COLEC12: variants seen among roughly 807,000 people sequenced by gnomAD.
The protein encoded by COLEC12 is collectin-12.
COLEC12 carries 33 observed loss-of-function variants against 71.1 expected under a neutral mutation model. The ratio of observed to expected loss-of-function variants is 0.46; its 90% CI spans 0.35 to 0.62. The LOEUF is 0.62. Among genes scored for constraint, COLEC12 ranks in the 20% least tolerant of loss-of-function variants. The pLI is 0.00. For missense variants in COLEC12, 765 were observed against 916.1 expected, an observed-to-expected ratio of 0.84 and a Z score of 2.13; for synonymous variants, 350 against 353.0, an observed-to-expected ratio of 0.99 and a Z score of 0.10.
chr18:338,922 T>C (rs144334107), intron 5 of COLEC12, among the ~76,000 whole-genome samples: 1 of 152,330 alleles, frequency 6.6e-6, no homozygotes, highest in African/African-American at 2.4e-5. Flanking sequence ...ATCCAAATAA[T>C]GAAGATGGCA....
At chr18:380,285 AAT>A (rs1331480547) in intron 2 of COLEC12, among the ~76,000 whole-genome samples, 1 of 152,072 alleles carries the variant, frequency 6.6e-6, no homozygotes, top group East Asian at 1.9e-4. Context: ...TCCCTTGTGT[AAT>A]ATGCTTTTCC....
intron 2 of COLEC12, among the ~76,000 whole-genome samples, chr18:470,859 T>C (rs151281272): frequency 6.6e-6 from 1 of 152,256 alleles, no homozygotes; most frequent in Non-Finnish European, 1.5e-5. Context: ...GGTTGAAGGT[T>C]TGAGATCTTA....
chr18:441,059 T>A (rs998663846), intron 2 of COLEC12, among the ~76,000 whole-genome samples: 2 of 147,846 alleles, frequency 1.4e-5, no homozygotes, highest in South Asian at 2.2e-4. Context: ...CCATCCTGGC[T>A]AACACAGTGA....
Position 317,463 on chromosome 18 carries a change from G to A in COLEC12, c.*2582C>T, listed in dbSNP as rs1010916836. On this transcript the variant is annotated 3_prime_UTR_variant, in exon 10 of 10. Transcript: ENST00000400256. ...ATCACCTCCCCAAGCCCCAGTCCCT[G>A]TGAAATGGGGAGTGTAGTAAGACCT... is the stretch of plus-strand genomic sequence containing the variant. 3.9e-5 allele frequency: 6 copies of A among 152,270 alleles called. No individual in the cohort carries two copies. The highest frequency in any genetic ancestry group is 1.2e-4 in the African/African-American group (5 of 41,446). The allele number at this position is 152,270 out of a possible 1,614,324, so 9.4% of individuals were successfully genotyped here. A position where few individuals can be genotyped will look rare whatever the true frequency, so the allele number is the denominator to read the frequency against.
At chr18:345,289 A>C (rs979741221) in intron 5 of COLEC12, among the ~76,000 whole-genome samples, 1 of 152,226 alleles carries the variant, frequency 6.6e-6, no homozygotes, top group Non-Finnish European at 1.5e-5. Context: ...ACAATTCTTC[A>C]ACTGTGGACT....
At chr18:368,594 G>T (rs1914908037) in intron 2 of COLEC12, among the ~76,000 whole-genome samples, 1 of 152,024 alleles carries the variant, frequency 6.6e-6, no homozygotes, top group Non-Finnish European at 1.5e-5. Flanking sequence ...GCCGGGCGCG[G>T]TGGCTCAGGC....
rs1289351190 is a variant in COLEC12 at position 500,398 on chromosome 18, G to C, written c.7+110C>G. On this transcript the variant is annotated intron_variant, in intron 1 of 9. Transcript: ENST00000400256. This position sits in a 1 kb window ranked among gnomAD's most constrained non-coding sequence, Gnocchi z 5.3. ...GGCGCCCTGGCAGCCCCGACTCCCC[G>C]GGCCCGCAGCCCAAGGGAAGGTTCG... The C allele has an allele frequency of 2.6e-6, 2 of 768,490 alleles. No homozygotes were observed. The highest frequency in any genetic ancestry group is 3.5e-6 in the Non-Finnish European group (2 of 572,378). 47.6% of individuals were successfully genotyped at this position (768,490 alleles called of 1,614,324 possible).
intron 2 of COLEC12, among the ~76,000 whole-genome samples, chr18:452,628 CTG>C (rs1270531999): frequency 6.6e-6 from 1 of 152,184 alleles, no homozygotes; most frequent in African/African-American, 2.4e-5. Context: ...TGGCAGGATT[CTG>C]TGGGAGGACG....
At position 334,908 on chromosome 18, in the gene COLEC12, C is replaced by T; in HGVS notation, c.1650G>A (p.Gln550=). The T allele has an allele frequency of 6.5e-7, 1 of 1,548,586 alleles. No homozygotes were observed. The change falls in exon 6 of 10, where the codon CAG becomes CAA. Residue 550 remains glutamine, a synonymous_variant. Coordinates refer to ENST00000400256, the MANE Select transcript of COLEC12 (RefSeq NM_130386.3). ...PQGPPGFQGL[Q]GTVGEPGVPG... ...GCACCCCAGGCTCCCCAACGGTGCC[C>T]TGAAGTCCCTGGAAGCCAGGAGGGC...
intron 2 of COLEC12, among the ~76,000 whole-genome samples, chr18:391,643 T>C (rs368325033): frequency 1.4e-4 from 21 of 152,326 alleles, no homozygotes; most frequent in African/African-American, 5.1e-4. Context: ...GAGCTATCAA[T>C]GTCTGAATTT....
At chr18:481,145 C>T (rs1917407820) in intron 1 of COLEC12, among the ~76,000 whole-genome samples, 1 of 152,142 alleles carries the variant, frequency 6.6e-6, no homozygotes, top group African/African-American at 2.4e-5. Context: ...TTTTTCTGCT[C>T]ACAGAAATAA....
intron 2 of COLEC12, among the ~76,000 whole-genome samples, chr18:367,247 G>C (rs1914874428): frequency 6.6e-6 from 1 of 152,194 alleles, no homozygotes; most frequent in Non-Finnish European, 1.5e-5. Flanking sequence ...CTCAGTTAAT[G>C]ACAAGATATT....
At chr18:441,003 C>T (rs1167033400) in intron 2 of COLEC12, among the ~76,000 whole-genome samples, 2 of 151,852 alleles carry the variant, frequency 1.3e-5, no homozygotes, top group Non-Finnish European at 2.9e-5. Flanking sequence ...AATCCCAGCA[C>T]TTTGGGAGGC....
intron 1 of COLEC12, among the ~76,000 whole-genome samples, chr18:495,789 C>T (rs1425612811): frequency 6.6e-6 from 1 of 152,144 alleles, no homozygotes; most frequent in Non-Finnish European, 1.5e-5. Context: ...GGAGCCTGGG[C>T]TAGAGATTAC....
At chr18:342,921 A>G (rs1302228653) in intron 5 of COLEC12, among the ~76,000 whole-genome samples, 1 of 152,222 alleles carries the variant, frequency 6.6e-6, no homozygotes, top group Non-Finnish European at 1.5e-5. Context: ...TCATTCTATT[A>G]TAATAGACAT....
chr18:477,993 C>T (rs1422691581), intron 2 of COLEC12, among the ~76,000 whole-genome samples: 1 of 152,210 alleles, frequency 6.6e-6, no homozygotes, highest in Non-Finnish European at 1.5e-5. Context: ...CTGGATTCAA[C>T]TGGCCACTTC....
intron 2 of COLEC12, chr18:424,467 G>C (rs1015186045): frequency 6.6e-6 from 1 of 152,220 alleles, no homozygotes; most frequent in Non-Finnish European, 1.5e-5. Context: ...AAATGGTGCA[G>C]CCTTAGAATA....
At chr18:446,422 C>T (rs1916651628) in intron 2 of COLEC12, among the ~76,000 whole-genome samples, 1 of 151,734 alleles carries the variant, frequency 6.6e-6, no homozygotes, top group Non-Finnish European at 1.5e-5. Context: ...CATCTTTGGG[C>T]CAGGCGCAGT....
At position 409,237 on chromosome 18, in the gene COLEC12, GCTGTAAAAGAAACGT is replaced by G. The variant is rs1915845797; in HGVS notation, c.59-51730_59-51716del. On this transcript the variant is annotated intron_variant, in intron 2 of 9. Transcript: ENST00000400256. ...GCTATTCTGCATGCAAATGGTTTAG[GCTGTAAAAGAAACGT>G]CTCCTAGGCCGGGCGTGGTGGCTCA... is the stretch of plus-strand genomic sequence containing the variant. Among the ~76,000 whole-genome samples the G allele has an allele frequency of 2.6e-5, 4 of 152,292 alleles. No homozygotes were observed. The South Asian group carries it at 8.3e-4, about 32-fold the overall frequency.
Sources: allele counts gnomAD v4.1 joint callset (sites outside exome capture counted in the v4.1 genomes callset), GRCh38; gene constraint gnomAD v4.1.1; non-coding constraint Gnocchi (gnomAD v3.1); transcripts MANE v1.5; gene names NCBI Gene and HGNC (gene_info 2026-07-23, HGNC 2026-07-21).